The following PCDHA5 variants were observed in gnomAD, a reference collection of about 807,000 sequenced individuals.
PCDHA5 encodes the protein protocadherin alpha 5, also known as protocadherin alpha-5.
Under a neutral mutation model 61.6 loss-of-function variants are expected in PCDHA5, and 43 were observed. That is an observed-to-expected ratio of 0.70 (90% CI 0.55 to 0.90). PCDHA5 has a LOEUF of 0.90. PCDHA5 is among the 40% of genes least tolerant of loss of function. PCDHA5 has a pLI of 0.00. For synonymous variants in PCDHA5, 627 were observed against 543.9 expected (o/e 1.15, Z -2.13); for missense variants, 1,298 against 1,222.7 (o/e 1.06, Z -0.92).
chr5:140,856,457 CA>C, intron 1 of PCDHA5: 1 of 1,598,330 alleles, frequency 6.3e-7, no homozygotes, highest in East Asian at 2.2e-5. Context: ...CGTAACAGAA[CA>C]AAAGCTCTCA....
chr5:140,867,971 C>T (rs1230179778), intron 1 of PCDHA5: 1 of 152,032 alleles, frequency 6.6e-6, no homozygotes, highest in African/African-American at 2.4e-5. Flanking sequence ...ATTCTTTCAA[C>T]AAGAAACAAA....
chr5:140,906,120 A>C (rs1554192404), intron 1 of PCDHA5, among the ~76,000 whole-genome samples: 1 of 152,134 alleles, frequency 6.6e-6, no homozygotes, highest in East Asian at 1.9e-4. Flanking sequence ...CCACTGACAC[A>C]AATGTTAGTC....
chr5:140,854,281 A>C, intron 1 of PCDHA5: 2 of 533,292 alleles, frequency 3.8e-6, no homozygotes, highest in Non-Finnish European at 4.8e-6. Context: ...AATTGAGTTT[A>C]GTTTTTATTA....
intron 1 of PCDHA5, among the ~76,000 whole-genome samples, chr5:140,872,375 C>A (rs2053630195): frequency 6.6e-6 from 1 of 152,002 alleles, no homozygotes; most frequent in Admixed American, 6.6e-5. Flanking sequence ...GCCTGTAATC[C>A]CAGCTATTTG....
At chr5:140,923,804 ATCT>A (rs1273575266) in intron 1 of PCDHA5, among the ~76,000 whole-genome samples, 1 of 152,220 alleles carries the variant, frequency 6.6e-6, no homozygotes, top group African/African-American at 2.4e-5. Flanking sequence ...CACAAATGAA[ATCT>A]TCTGAAAATA....
At position 140,992,017 on chromosome 5, in the gene PCDHA5, CTGTGTGTG is replaced by C. The variant is rs10602499; in HGVS notation, c.2500+9484_2500+9491del. On this transcript the variant is annotated intron_variant, in intron 3 of 3. Coordinates refer to ENST00000529859, the MANE Select transcript of PCDHA5 (RefSeq NM_018908.3). ...CTTTCATGTTCAGGCAGAGGTGGCT[CTGTGTGTG>C]TGTGTGTGTGTGTGTGTGTGTGTGT... Among the ~76,000 whole-genome samples the C allele has an allele frequency of 9.8e-4, 142 of 145,616 alleles. No homozygotes were observed. The East Asian group carries it at 1.0e-2, about 10-fold the overall frequency.
chr5:140,974,661 G>A (rs542677478), intron 1 of PCDHA5, among the ~76,000 whole-genome samples: 4 of 152,066 alleles, frequency 2.6e-5, no homozygotes, highest in South Asian at 4.2e-4. Context: ...ACAGGCATGC[G>A]CCACCATGCC....
intron 1 of PCDHA5, chr5:140,834,636 T>A: frequency 1.9e-6 from 3 of 1,614,182 alleles, no homozygotes; most frequent in Non-Finnish European, 2.5e-6. Context: ...TGGCATTTTG[T>A]TTGTGAATTC....
intron 1 of PCDHA5, among the ~76,000 whole-genome samples, chr5:140,896,285 G>T (rs1392495241): frequency 1.3e-5 from 2 of 152,202 alleles, no homozygotes; most frequent in African/African-American, 2.4e-5. Context: ...GGCTTGAATG[G>T]TAAGTTCTTT....
chr5:141,005,142 T>C (rs1554259898), intron 3 of PCDHA5, among the ~76,000 whole-genome samples: 1 of 152,234 alleles, frequency 6.6e-6, no homozygotes, highest in African/African-American at 2.4e-5. Flanking sequence ...ATTGGAGAGT[T>C]GTTTGGTCTG....
At chr5:140,882,336 C>A (rs781805621) in intron 1 of PCDHA5, 31 of 1,614,044 alleles carry the variant, frequency 1.9e-5, no homozygotes, top group Non-Finnish European at 2.5e-5. Flanking sequence ...ATCCTCGCAG[C>A]CTGGGAGACG....
intron 1 of PCDHA5, chr5:140,856,875 T>C (rs782182859): frequency 1.3e-6 from 2 of 1,595,778 alleles, no homozygotes; most frequent in Non-Finnish European, 1.7e-6. Flanking sequence ...AACAAGGAAA[T>C]GATGTATTCA....
intron 1 of PCDHA5, among the ~76,000 whole-genome samples, chr5:140,975,697 AT>A (rs1375810410): frequency 1.3e-5 from 2 of 152,182 alleles, no homozygotes; most frequent in African/African-American, 4.8e-5. Flanking sequence ...TTTTAAACTT[AT>A]TTTACTTTAA....
At chr5:140,976,140 C>T (rs1276971902) in intron 1 of PCDHA5, among the ~76,000 whole-genome samples, 9 of 152,130 alleles carry the variant, frequency 5.9e-5, no homozygotes, top group African/African-American at 1.7e-4. Flanking sequence ...CTGGATGAAA[C>T]TCATGTACAT....
At chr5:140,987,544 A>G (rs1316604535) in intron 3 of PCDHA5, among the ~76,000 whole-genome samples, 1 of 152,180 alleles carries the variant, frequency 6.6e-6, no homozygotes, top group Non-Finnish European at 1.5e-5. Context: ...CCATTACTTA[A>G]CTTTCCTGAT....
intron 3 of PCDHA5, among the ~76,000 whole-genome samples, chr5:140,983,182 C>T (rs782457174): frequency 6.6e-6 from 1 of 152,188 alleles, no homozygotes; most frequent in Non-Finnish European, 1.5e-5. Flanking sequence ...CTCACAATTT[C>T]TTAGTTTAGA....
At chr5:140,923,888 G>A (rs575485843) in intron 1 of PCDHA5, among the ~76,000 whole-genome samples, 1 of 152,294 alleles carries the variant, frequency 6.6e-6, no homozygotes, top group Admixed American at 6.5e-5. Context: ...GTGTGAAAGA[G>A]GAGGAGTTTC....
At chr5:140,998,696 C>G (rs1587806526) in intron 3 of PCDHA5, among the ~76,000 whole-genome samples, 1 of 152,182 alleles carries the variant, frequency 6.6e-6, no homozygotes, top group East Asian at 1.9e-4. Flanking sequence ...TCCCAAGTAG[C>G]TGGGATTACA....
At chr5:140,840,202 A>G (rs1426103909) in intron 1 of PCDHA5, among the ~76,000 whole-genome samples, 1 of 152,086 alleles carries the variant, frequency 6.6e-6, no homozygotes, top group African/African-American at 2.4e-5. Flanking sequence ...AAGGAAAAGA[A>G]GTCATAAAAA....
Sources: gnomAD v4.1 joint callset for allele counts (sites outside exome capture counted in the v4.1 genomes callset) on GRCh38, gnomAD v4.1.1 for gene constraint, MANE v1.5 for transcripts, NCBI Gene and HGNC (gene_info 2026-07-23, HGNC 2026-07-21) for gene names.